The following CLASP1 variants were observed in gnomAD, a reference collection of about 807,000 sequenced individuals.
CLASP1 encodes cytoplasmic linker associated protein 1, also known as CLIP-associating protein 1.
In CLASP1, 38 loss-of-function variants were observed where a neutral mutation model predicts 192.3. The observed-to-expected ratio is 0.20, with a 90% CI of 0.15 to 0.26. The LOEUF (loss-of-function observed/expected upper bound fraction) is 0.26, where lower values mean the gene tolerates loss of function less well. Among genes scored for constraint, CLASP1 ranks in the 10% least tolerant of loss-of-function variants. CLASP1 has a pLI of 1.00. For missense variants in CLASP1, 1,433 were observed against 1,932.5 expected (o/e 0.74, Z 4.85); for synonymous variants, 691 against 712.8 (o/e 0.97, Z 0.49).
chr2:121,446,028 A>G (rs990937758), intron 19 of CLASP1, among the ~76,000 whole-genome samples: 5 of 152,246 alleles, frequency 3.3e-5, no homozygotes, highest in Non-Finnish European at 5.9e-5. Flanking sequence ...TCCTTTGCTC[A>G]ATGGTTACAT....
chr2:121,410,990 A>G, intron 23 of CLASP1, 21 bp from the exon 25 acceptor site: 3 of 1,454,644 alleles, frequency 2.1e-6, no homozygotes, highest in African/African-American at 1.4e-5. Flanking sequence ...AACAAAAGCA[A>G]AAGATGTGTC....
intron 19 of CLASP1, chr2:121,445,414 A>C (rs1167362136): frequency 7.9e-7 from 1 of 1,271,524 alleles, no homozygotes; most frequent in African/African-American, 1.5e-5. Context: ...TATCCCAACT[A>C]CACGTCCAGC....
Position 121,515,753 on chromosome 2 carries a change from C to T in CLASP1, c.556G>A (p.Ala186Thr), listed in dbSNP as rs759410954. Residue 186 changes from alanine (A) to threonine (T), a missense_variant, in exon 7 of 40, where the codon GCA becomes ACA. Ala to Thr is a moderately conservative substitution (Grantham distance 58, BLOSUM62 0). Coordinates refer to ENST00000263710, the Ensembl canonical transcript of CLASP1. ...ATTTCCACTAAGCTGTTTATTGCTGCATCTCGAACCTAGATATAAAAGAAG... is the reference window on the plus strand; with the variant it reads ...ATTTCCACTAAGCTGTTTATTGCTGTATCTCGAACCTAGATATAAAAGAAG... 32 of 1,613,596 alleles carry T rather than the reference C, an allele frequency of 2.0e-5. No individual in the cohort carries two copies. The South Asian group carries it at 2.1e-4, about 11-fold the overall frequency.
rs140522133 is a variant in CLASP1, at chr2:121,381,861, A to C, written c.3491+347T>G. On this transcript the variant is annotated intron_variant, in intron 33 of 39. Transcript: ENST00000263710. ...TCTGCACTTTAGACGCATGCTAAGG[A>C]AACTGCTCCCACTATTGCCCACGCT... Among the ~76,000 whole-genome samples the C allele has an allele frequency of 2.1e-3, 321 of 152,298 alleles. 1 individual carries two copies. Among genetic ancestry groups the C allele is most frequent in the African/African-American group, 7.4e-3 (308 of 41,566 alleles).
At chr2:121,379,215 C>CAA (rs189429636) in intron 33 of CLASP1, among the ~76,000 whole-genome samples, 62 of 78,106 alleles carry the variant, frequency 7.9e-4, no homozygotes, top group African/African-American at 2.3e-3. Context: ...GGAGAGTTCA[C>CAA]AAAAAAAAAA....
At chr2:121,348,362 G>A (rs1233445284) in intron 38 of CLASP1, 150 bp downstream of exon 39, 2 of 652,176 alleles carry the variant, frequency 3.1e-6, no homozygotes, top group Non-Finnish European at 5.3e-6. Flanking sequence ...AGGAGGCTGT[G>A]AAGTGTCCCT....
At chr2:121,351,860 TAA>T (rs1377098311) in intron 37 of CLASP1, among the ~76,000 whole-genome samples, 1 of 152,212 alleles carries the variant, frequency 6.6e-6, no homozygotes, top group African/African-American at 2.4e-5. Context: ...AATTTTATTT[TAA>T]AAGTCATGTC....
intron 34 of CLASP1, among the ~76,000 whole-genome samples, chr2:121,368,226 A>T (rs901713061): frequency 3.3e-5 from 5 of 152,240 alleles, no homozygotes; most frequent in African/African-American, 1.2e-4. Context: ...ATCCACAGAC[A>T]GAAGCTCCTC....
At chr2:121,461,327 T>A (rs2087896775) in intron 10 of CLASP1, 134 bp from the exon 11 acceptor site, 2 of 596,092 alleles carry the variant, frequency 3.4e-6, no homozygotes, top group Non-Finnish European at 5.8e-6. Flanking sequence ...TGAGAAAATA[T>A]CTGAACAGTT....
chr2:121,446,348 C>T (rs777852818), intron 19 of CLASP1, among the ~76,000 whole-genome samples: 16 of 152,288 alleles, frequency 1.1e-4, no homozygotes, highest in Admixed American at 5.9e-4. Context: ...ACAGATTCCA[C>T]GGCCTACTCC....
chr2:121,470,093 G>C, intron 8 of CLASP1, 133 bp from the exon 9 acceptor site: 1 of 770,646 alleles, frequency 1.3e-6, no homozygotes, highest in Non-Finnish European at 2.1e-6. Flanking sequence ...GGAATCTGAG[G>C]TGCTCCTCTA....
chr2:121,618,321 TC>T (rs1394814486), intron 1 of CLASP1, among the ~76,000 whole-genome samples: 1 of 152,232 alleles, frequency 6.6e-6, no homozygotes, highest in Non-Finnish European at 1.5e-5. Flanking sequence ...TAAGTTGAGT[TC>T]CATTCTTTCT....
chr2:121,498,931 A>G (rs1372607292), intron 8 of CLASP1, among the ~76,000 whole-genome samples: 1 of 152,234 alleles, frequency 6.6e-6, no homozygotes, highest in Non-Finnish European at 1.5e-5. Context: ...ATTGTTGGCG[A>G]GGATGTGGAG....
intron 2 of CLASP1, among the ~76,000 whole-genome samples, chr2:121,543,723 G>C (rs1451720852): frequency 2.0e-5 from 3 of 151,986 alleles, no homozygotes; most frequent in Non-Finnish European, 1.5e-5. Flanking sequence ...ACCCCAATCT[G>C]AATAGTACTT....
chr2:121,580,067 T>C (rs1002225430), intron 2 of CLASP1, among the ~76,000 whole-genome samples: 23 of 152,218 alleles, frequency 1.5e-4, no homozygotes, highest in African/African-American at 5.5e-4. Flanking sequence ...ACTGATGCAG[T>C]GGAATATGCT....
chr2:121,604,564 A>T (rs1416865458), intron 2 of CLASP1, among the ~76,000 whole-genome samples: 1 of 152,164 alleles, frequency 6.6e-6, no homozygotes, highest in Non-Finnish European at 1.5e-5. Flanking sequence ...GCTACTTGAG[A>T]GGCTGAGGTG....
chr2:121,367,516 GT>G (rs2067659793), intron 35 of CLASP1, 71 bp downstream of exon 36: 1 of 1,592,758 alleles, frequency 6.3e-7, no homozygotes, highest in Non-Finnish European at 8.6e-7. Context: ...AGTGGGCCTG[GT>G]GCTGGCCAGA....
At chr2:121,572,224 C>T (rs1397137954) in intron 2 of CLASP1, among the ~76,000 whole-genome samples, 1 of 151,978 alleles carries the variant, frequency 6.6e-6, no homozygotes, top group African/African-American at 2.4e-5. Context: ...ATCAGGAGAT[C>T]GAGACGATCC....
intron 36 of CLASP1, 125 bp from the exon 38 acceptor site, chr2:121,363,425 T>TA: frequency 9.4e-7 from 1 of 1,060,310 alleles, no homozygotes; most frequent in Non-Finnish European, 1.3e-6. Flanking sequence ...CAGAACCCTC[T>TA]AAACAGATCA....
Sources: gnomAD v4.1 joint callset for allele counts (sites outside exome capture counted in the v4.1 genomes callset) on GRCh38, gnomAD v4.1.1 for gene constraint, MANE v1.5 for transcripts, NCBI Gene and HGNC (gene_info 2026-07-23, HGNC 2026-07-21) for gene names.